The following GPR158 variants were observed in gnomAD, a reference collection of about 807,000 sequenced individuals.
The protein encoded by GPR158 is metabotropic glycine receptor.
A neutral mutation model predicts 78.2 loss-of-function variants in GPR158; 30 were observed. The ratio of observed to expected loss-of-function variants is 0.38; its 90% confidence interval spans 0.29 to 0.52. The LOEUF is 0.52. Ranked by LOEUF, GPR158 falls within the 20% of genes least tolerant of loss-of-function variation. GPR158 has a pLI of 0.83. For missense variants in GPR158, 1,463 were observed against 1,523.5 expected (o/e 0.96, Z 0.66); for synonymous variants, 581 against 591.1 (o/e 0.98, Z 0.25).
rs1837472834 is a variant in GPR158, at chr10:25,600,066, A to G, written c.*792A>G. 1 of 152,614 alleles carries G rather than the reference A, an allele frequency of 6.6e-6. No individual in the cohort carries two copies. Among genetic ancestry groups the G allele is most frequent in the African/African-American group, 2.4e-5 (1 of 41,452 alleles). 9.5% of individuals were successfully genotyped at this position (152,614 alleles called of 1,614,324 possible). A position where few individuals can be genotyped will look rare whatever the true frequency, so the allele number is the denominator to read the frequency against. On this transcript the variant is annotated 3_prime_UTR_variant, in exon 11 of 11. Coordinates refer to ENST00000376351, the MANE Select transcript of GPR158 (RefSeq NM_020752.3). ...TTTGAATTTGACTCTATTATTTCAC[A>G]TCATGGTTTGTTATACTGTCTTAAT... is the stretch of plus-strand genomic sequence containing the variant.
At chr10:25,478,237 G>A (rs532140152) in intron 5 of GPR158, among the ~76,000 whole-genome samples, 1 of 152,274 alleles carries the variant, frequency 6.6e-6, no homozygotes, top group Admixed American at 6.5e-5. Context: ...GCTTTAGTTT[G>A]TCAGTGAAAA....
At chr10:25,380,224 A>T (rs1834136051) in intron 2 of GPR158, among the ~76,000 whole-genome samples, 1 of 152,160 alleles carries the variant, frequency 6.6e-6, no homozygotes, top group African/African-American at 2.4e-5. Flanking sequence ...AGAAATCCCA[A>T]GTGCTCCTCC....
intron 2 of GPR158, among the ~76,000 whole-genome samples, chr10:25,373,115 A>G (rs1009809678): frequency 2.6e-5 from 4 of 151,952 alleles, no homozygotes; most frequent in African/African-American, 9.7e-5. Flanking sequence ...AATACTGTGC[A>G]GCCATAAAAT....
intron 3 of GPR158, among the ~76,000 whole-genome samples, chr10:25,411,710 C>T (rs961326145): frequency 4.6e-5 from 7 of 151,788 alleles, no homozygotes; most frequent in African/African-American, 9.7e-5. Context: ...CAGAGATGGG[C>T]GGATCACAAG....
At chr10:25,254,883 GAGTT>G (rs1397852918) in intron 2 of GPR158, among the ~76,000 whole-genome samples, 3 of 152,136 alleles carry the variant, frequency 2.0e-5, no homozygotes, top group African/African-American at 7.2e-5. Context: ...TTTTTCAAGA[GAGTT>G]AGTTGATTTG....
chr10:25,514,224 T>A (rs1836129455), intron 5 of GPR158, among the ~76,000 whole-genome samples: 1 of 152,160 alleles, frequency 6.6e-6, no homozygotes, highest in African/African-American at 2.4e-5. Context: ...TGTGATATTT[T>A]CCCGTTGGAC....
chr10:25,571,505 GAAGGA>G lies in GPR158; in HGVS notation c.1515-1143_1515-1139del, dbSNP rs1330595101. Among the ~76,000 whole-genome samples the G allele has an allele frequency of 5.9e-5, 9 of 152,280 alleles. No homozygotes were observed. The East Asian group carries it at 1.5e-3, about 26-fold the overall frequency. On this transcript the variant is annotated intron_variant, in intron 6 of 10. Coordinates refer to ENST00000376351, the MANE Select transcript of GPR158 (RefSeq NM_020752.3). ...CTTAAAATTATTCAAAGAATGAAGT[GAAGGA>G]GAGAATAGAACATTGAGAAAATGTG... is the stretch of plus-strand genomic sequence containing the variant.
intron 5 of GPR158, among the ~76,000 whole-genome samples, chr10:25,511,023 T>C (rs1836077502): frequency 1.3e-5 from 2 of 152,212 alleles, no homozygotes; most frequent in South Asian, 4.1e-4. Flanking sequence ...GCAAGTATCT[T>C]TCTCATAGAA....
At chr10:25,517,815 A>C (rs1042698316) in intron 5 of GPR158, among the ~76,000 whole-genome samples, 6 of 150,296 alleles carry the variant, frequency 4.0e-5, no homozygotes, top group Non-Finnish European at 8.9e-5. Flanking sequence ...TTCATCAAGG[A>C]TATTGGTCTA....
At chr10:25,585,294 A>C (rs1434072708) in intron 7 of GPR158, among the ~76,000 whole-genome samples, 3 of 152,180 alleles carry the variant, frequency 2.0e-5, no homozygotes. Context: ...TTACTCAACA[A>C]TTATTTACTA....
Position 25,386,700 on chromosome 10 carries a change from T to C in GPR158, c.1009-9211T>C, listed in dbSNP as rs377460026. ...CTCCTAATCATTTTATTCTTTTTGA[T>C]ATTTTCATTTTATTCTTTTTGATAT... On this transcript the variant is annotated intron_variant, in intron 2 of 10. Transcript: ENST00000376351. 2.0e-5 allele frequency among the ~76,000 whole-genome samples: 3 copies of C among 152,314 alleles called. No homozygotes were observed. The South Asian group carries it at 6.2e-4, about 32-fold the overall frequency.
At chr10:25,546,854 A>G (rs952777981) in intron 5 of GPR158, among the ~76,000 whole-genome samples, 1 of 152,184 alleles carries the variant, frequency 6.6e-6, no homozygotes, top group African/African-American at 2.4e-5. Flanking sequence ...GCCAGGTACA[A>G]GTGAGCCGGG....
intron 5 of GPR158, among the ~76,000 whole-genome samples, chr10:25,479,619 T>G (rs1348352177): frequency 1.3e-5 from 2 of 152,056 alleles, no homozygotes; most frequent in African/African-American, 2.4e-5. Flanking sequence ...TTCACCATGT[T>G]GGCCAGGCTG....
At chr10:25,365,877 T>C (rs1424957007) in intron 2 of GPR158, among the ~76,000 whole-genome samples, 1 of 151,626 alleles carries the variant, frequency 6.6e-6, no homozygotes, top group Non-Finnish European at 1.5e-5. Context: ...CCCTACCCAA[T>C]CACATCCTCC....
chr10:25,217,386 C>T (rs1853231653), intron 1 of GPR158, among the ~76,000 whole-genome samples: 1 of 152,056 alleles, frequency 6.6e-6, no homozygotes, highest in African/African-American at 2.4e-5. Flanking sequence ...GCCCATGGTG[C>T]CTACCCATCC....
At chr10:25,300,549 T>G (rs551249117) in intron 2 of GPR158, among the ~76,000 whole-genome samples, 1 of 148,406 alleles carries the variant, frequency 6.7e-6, no homozygotes, top group Admixed American at 6.8e-5. Flanking sequence ...GATTGGAAGG[T>G]TGGGACATTA....
intron 3 of GPR158, among the ~76,000 whole-genome samples, chr10:25,398,000 G>A (rs375564611): frequency 6.6e-5 from 10 of 152,290 alleles, no homozygotes; most frequent in African/African-American, 2.2e-4. Flanking sequence ...CAGCCTCTAA[G>A]AACTGAGAGC....
chr10:25,285,217 A>C (rs1854333587), intron 2 of GPR158, among the ~76,000 whole-genome samples: 1 of 152,122 alleles, frequency 6.6e-6, no homozygotes, highest in Non-Finnish European at 1.5e-5. Flanking sequence ...AGAATCAATG[A>C]GATATAGATA....
At chr10:25,364,887 T>G (rs565502546) in intron 2 of GPR158, among the ~76,000 whole-genome samples, 28 of 151,924 alleles carry the variant, frequency 1.8e-4, no homozygotes, top group Middle Eastern at 3.4e-3. Context: ...GCATACTAAA[T>G]TTCGATTACT....
Sources: gnomAD v4.1 joint callset for allele counts (sites outside exome capture counted in the v4.1 genomes callset) on GRCh38, gnomAD v4.1.1 for gene constraint, MANE v1.5 for transcripts, NCBI Gene and HGNC (gene_info 2026-07-23, HGNC 2026-07-21) for gene names.